The following ANTXR1 variants were observed in gnomAD, a reference collection of about 807,000 sequenced individuals.
ANTXR1 encodes the protein anthrax toxin receptor 1.
A neutral mutation model predicts 78.1 loss-of-function variants in ANTXR1; 19 were observed. The ratio of observed to expected loss-of-function variants is 0.24; its 90% confidence interval spans 0.17 to 0.36. ANTXR1 has a LOEUF of 0.36. Among genes scored for constraint, ANTXR1 ranks in the 10% least tolerant of loss-of-function variants. ANTXR1 has a pLI of 1.00. For synonymous variants in ANTXR1, 273 were observed against 260.5 expected, an observed-to-expected ratio of 1.05 and a Z score of -0.46; for missense variants, 518 against 718.6, an observed-to-expected ratio of 0.72 and a Z score of 3.19.
At chr2:69,184,731 C>G (rs1308516355) in intron 16 of ANTXR1, among the ~76,000 whole-genome samples, 3 of 152,204 alleles carry the variant, frequency 2.0e-5, no homozygotes, top group African/African-American at 7.2e-5. Context: ...ACATTCCCAA[C>G]ACCCACTTGG....
At chr2:69,229,806 G>T (rs1220778625) in intron 17 of ANTXR1, among the ~76,000 whole-genome samples, 1 of 149,092 alleles carries the variant, frequency 6.7e-6, no homozygotes, top group African/African-American at 2.5e-5. Flanking sequence ...CCAAAATGTT[G>T]ATTAAAACCA....
intron 17 of ANTXR1, among the ~76,000 whole-genome samples, chr2:69,213,206 G>A (rs968339750): frequency 1.1e-4 from 16 of 152,040 alleles, no homozygotes; most frequent in East Asian, 1.9e-4. Flanking sequence ...CAGTGCCTTC[G>A]TTTCACAGAG....
intron 3 of ANTXR1, among the ~76,000 whole-genome samples, chr2:69,063,994 GA>G (rs1670320468): frequency 6.6e-6 from 1 of 151,466 alleles, no homozygotes; most frequent in African/African-American, 2.4e-5. Context: ...TATAGGAAAG[GA>G]GAAAGAAACA....
At chr2:69,239,836 C>A (rs151277358) in intron 17 of ANTXR1, among the ~76,000 whole-genome samples, 1 of 152,322 alleles carries the variant, frequency 6.6e-6, no homozygotes, top group African/African-American at 2.4e-5. Flanking sequence ...AAATCCAGAA[C>A]CTGATCAACA....
At chr2:69,039,038 A>G (rs1440719539) in intron 1 of ANTXR1, among the ~76,000 whole-genome samples, 1 of 152,232 alleles carries the variant, frequency 6.6e-6, no homozygotes, top group Non-Finnish European at 1.5e-5. Flanking sequence ...AATAAAAATA[A>G]TCAGAAATCA....
chr2:69,084,618 A>ATTTTTT (rs1670994226), intron 8 of ANTXR1, among the ~76,000 whole-genome samples: 1 of 108,704 alleles, frequency 9.2e-6, no homozygotes. Context: ...TTTTTTAGAG[A>ATTTTTT]TGGGGTCTTG....
chr2:69,061,645 A>G (rs1288705872), intron 3 of ANTXR1, among the ~76,000 whole-genome samples: 2 of 152,230 alleles, frequency 1.3e-5, no homozygotes, highest in East Asian at 3.8e-4. Context: ...GGACTCCACC[A>G]GAAAAGACAA....
intron 9 of ANTXR1, among the ~76,000 whole-genome samples, chr2:69,091,203 G>T (rs972667595): frequency 1.3e-5 from 2 of 151,804 alleles, no homozygotes; most frequent in African/African-American, 4.8e-5. Context: ...ACTTTGGGAG[G>T]CCAAGGCAGG....
chr2:69,181,742 G>T, intron 14 of ANTXR1, 44 bp from the exon 15 acceptor site: 1 of 1,582,692 alleles, frequency 6.3e-7, no homozygotes, highest in Non-Finnish European at 8.7e-7. Flanking sequence ...GGTCCACACA[G>T]CAGTGCTGTT....
chr2:69,086,323 T>C lies in ANTXR1; in HGVS notation c.643-4536T>C, dbSNP rs559507567. On this transcript the variant is annotated intron_variant, in intron 8 of 17. Transcript: ENST00000303714. ...ACAAAGGACATTAGATTTTTAGAATTTGAAAAAATAAACTCTTCTATACAA... is the reference window on the plus strand; with the variant it reads ...ACAAAGGACATTAGATTTTTAGAATCTGAAAAAATAAACTCTTCTATACAA... 6.6e-5 allele frequency among the ~76,000 whole-genome samples: 10 copies of C among 152,284 alleles called. No homozygotes were observed. In the South Asian group the frequency reaches 2.1e-3, roughly 32 times the overall value.
chr2:69,178,178 TTCTAC>T (rs1674181992), intron 14 of ANTXR1, among the ~76,000 whole-genome samples: 1 of 152,196 alleles, frequency 6.6e-6, no homozygotes, highest in South Asian at 2.1e-4. Context: ...GGGGCTGGGA[TTCTAC>T]TCCGTCCATT....
chr2:69,203,112 A>T (rs1285035714), intron 17 of ANTXR1, among the ~76,000 whole-genome samples: 1 of 152,260 alleles, frequency 6.6e-6, no homozygotes, highest in Non-Finnish European at 1.5e-5. Context: ...TATGTTGTGT[A>T]AATGGACATC....
At chr2:69,054,506 A>T (rs1372785016) in intron 3 of ANTXR1, among the ~76,000 whole-genome samples, 1 of 152,174 alleles carries the variant, frequency 6.6e-6, no homozygotes, top group South Asian at 2.1e-4. Context: ...CATTTCACAG[A>T]TGGGGGTACG....
intron 3 of ANTXR1, among the ~76,000 whole-genome samples, chr2:69,066,346 G>C (rs1207682428): frequency 1.3e-5 from 2 of 151,850 alleles, no homozygotes; most frequent in African/African-American, 4.8e-5. Flanking sequence ...CCCCAAGCTG[G>C]AGTGCAATGG....
At chr2:69,184,220 T>C (rs1453834959) in intron 16 of ANTXR1, among the ~76,000 whole-genome samples, 1 of 152,240 alleles carries the variant, frequency 6.6e-6, no homozygotes, top group Non-Finnish European at 1.5e-5. Flanking sequence ...TTATTGGTGG[T>C]TACCTTTCCT....
At chr2:69,039,207 A>C (rs1254670600) in intron 1 of ANTXR1, among the ~76,000 whole-genome samples, 2 of 152,218 alleles carry the variant, frequency 1.3e-5, no homozygotes, top group Non-Finnish European at 2.9e-5. Context: ...GGGTTCGAAT[A>C]GAAAAAACTA....
chr2:69,130,602 C>A (rs1672710969), intron 12 of ANTXR1, among the ~76,000 whole-genome samples: 1 of 152,196 alleles, frequency 6.6e-6, no homozygotes, highest in South Asian at 2.1e-4. Context: ...TGTTTCAGAA[C>A]CTGTCTCGCA....
chr2:69,118,158 C>T (rs1021385260), intron 10 of ANTXR1, among the ~76,000 whole-genome samples: 1 of 150,610 alleles, frequency 6.6e-6, no homozygotes, highest in Non-Finnish European at 1.5e-5. Context: ...CACCTGTAAT[C>T]CCAGCATTTT....
At chr2:69,127,174 A>G (rs1449981179) in intron 12 of ANTXR1, among the ~76,000 whole-genome samples, 2 of 152,234 alleles carry the variant, frequency 1.3e-5, no homozygotes, top group East Asian at 1.9e-4. Context: ...ATGCTATAGG[A>G]TAATTAGAGG....
Sources: allele counts gnomAD v4.1 joint callset (sites outside exome capture counted in the v4.1 genomes callset), GRCh38; gene constraint gnomAD v4.1.1; transcripts MANE v1.5; gene names NCBI Gene and HGNC (gene_info 2026-07-23, HGNC 2026-07-21).